CABP7: variants seen among roughly 807,000 people sequenced by gnomAD.
CABP7 encodes calcium-binding protein 7.
Under a neutral mutation model 23.1 loss-of-function variants are expected in CABP7, and 13 were observed. The observed-to-expected ratio is 0.56, with a 90% confidence interval of 0.37 to 0.90. CABP7 has a LOEUF of 0.90. CABP7 is among the 40% of genes least tolerant of loss of function. The pLI is 0.01. For missense variants in CABP7, 248 were observed against 295.6 expected (o/e 0.84, Z 1.18); for synonymous variants, 123 against 115.3 (o/e 1.07, Z -0.43).
rs2067753030 is a variant in CABP7 at position 29,720,556 on chromosome 22, GC to G, written c.109+27del. 1.4e-6 allele frequency: 2 copies of G among 1,466,806 alleles called. No homozygotes were observed. The highest frequency in any genetic ancestry group is 1.2e-5 in the South Asian group (1 of 81,700). The allele number at this position is 1,466,806 out of a possible 1,614,324, so 90.9% of individuals were successfully genotyped here. ...AGGGTGAGTGTCCGCCGGGATCCCC[GC>G]CCCGGCGGCCCTCCTACCTGTGCGC... On this transcript the variant is annotated intron_variant, in intron 1 of 4. Transcript: ENST00000216144. This position sits in a 1 kb window ranked among gnomAD's most constrained non-coding sequence, Gnocchi z 5.2.
At position 29,720,581 on chromosome 22, in the gene CABP7, GC is replaced by G. The variant is rs1222938691; in HGVS notation, c.109+51del. 2 of 1,323,812 alleles carry G rather than the reference GC, an allele frequency of 1.5e-6. No homozygotes were observed. The highest frequency in any genetic ancestry group is 1.5e-5 in the African/African-American group (1 of 65,634). The allele number at this position is 1,323,812 out of a possible 1,614,324, so 82.0% of individuals were successfully genotyped here. ...GCCCCGGCGGCCCTCCTACCTGTGCGCCCAGGTGAAGCGCGGGCCAGGGGCG... is the reference window on the plus strand; with the variant it reads ...GCCCCGGCGGCCCTCCTACCTGTGCGCCAGGTGAAGCGCGGGCCAGGGGCG... On this transcript the variant is annotated intron_variant, in intron 1 of 4. Coordinates refer to ENST00000216144, the MANE Select transcript of CABP7 (RefSeq NM_182527.3). This position sits in a 1 kb window ranked among gnomAD's most constrained non-coding sequence, Gnocchi z 5.2.
In CABP7 at chr22:29,729,586, C is replaced by T. The variant is rs751729168; in HGVS notation, c.*17C>T. On this transcript the variant is annotated 3_prime_UTR_variant, in exon 5 of 5. Coordinates refer to ENST00000216144, the MANE Select transcript of CABP7 (RefSeq NM_182527.3). ...ATGAAGTAGACGCCACCTGGATGCC[C>T]CATCCACCGCATGCGGTGCCCGTGG... 1 of 1,606,584 alleles carries T rather than the reference C, an allele frequency of 6.2e-7. No individual in the cohort carries two copies. Among genetic ancestry groups the T allele is most frequent in the African/African-American group, 1.3e-5 (1 of 74,948 alleles).
At chr22:29,723,688 C>T (rs2067777238) in intron 1 of CABP7, among the ~76,000 whole-genome samples, 1 of 152,190 alleles carries the variant, frequency 6.6e-6, no homozygotes, top group Admixed American at 6.5e-5. Context: ...TGGGGAGTCC[C>T]CTTTCCTACC....
Position 29,731,422 on chromosome 22 carries a change from C to T in CABP7, c.*1853C>T. 1.3e-6 allele frequency: 2 copies of T among 1,505,782 alleles called. No homozygotes were observed. Among genetic ancestry groups the T allele is most frequent in the Non-Finnish European group, 1.7e-6 (2 of 1,143,344 alleles). 93.3% of individuals were successfully genotyped at this position (1,505,782 alleles called of 1,614,324 possible). A position where few individuals can be genotyped will look rare whatever the true frequency, so the allele number is the denominator to read the frequency against. The stretch of plus-strand genomic sequence containing the variant: ...AGCCCAGGCTTATGCCACCCCCAGC[C>T]CACCTGCCTCACCACCCTGGCTGTG... On this transcript the variant is annotated 3_prime_UTR_variant, in exon 5 of 5. Transcript: ENST00000216144.
chr22:29,726,384 G>C (rs941483774), intron 1 of CABP7, among the ~76,000 whole-genome samples: 1 of 152,174 alleles, frequency 6.6e-6, no homozygotes, highest in African/African-American at 2.4e-5. Context: ...GCTGGGCTAG[G>C]CTCCCCTGTC....
intron 1 of CABP7, among the ~76,000 whole-genome samples, chr22:29,722,291 CG>C (rs1355043291): frequency 4.6e-5 from 7 of 152,228 alleles, no homozygotes; most frequent in Non-Finnish European, 8.8e-5. Flanking sequence ...GGCGAGGGGC[CG>C]CAGGGTGGGC....
rs765114031 is a variant in CABP7, at chr22:29,727,740, G to C, written c.188G>C (p.Arg63Pro). ...ISKQELGTAM[R>P]SLGYMPNEVE... ...AAGCAGGAGCTGGGCACAGCCATGC[G>C]CTCACTGGGTTACATGCCCAACGAG... Residue 63 changes from arginine to proline, a missense_variant, in exon 2 of 5, where the codon CGC becomes CCC. Physicochemically the swap from Arg to Pro is moderately radical, Grantham distance 103 (BLOSUM62 -2). Coordinates refer to ENST00000216144, the MANE Select transcript of CABP7 (RefSeq NM_182527.3). The surrounding 1 kb of genome is among the most constrained non-coding windows in gnomAD (Gnocchi z 4.2). 5.0e-6 allele frequency: 8 copies of C among 1,613,410 alleles called. No homozygotes were observed.
intron 1 of CABP7, among the ~76,000 whole-genome samples, chr22:29,724,969 G>C (rs1462231860): frequency 6.6e-6 from 1 of 152,330 alleles, no homozygotes; most frequent in Admixed American, 6.5e-5. Context: ...AGGGTAGGAG[G>C]GATGACCTGG....
At chr22:29,726,385 C>T (rs1036867549) in intron 1 of CABP7, among the ~76,000 whole-genome samples, 2 of 152,184 alleles carry the variant, frequency 1.3e-5, no homozygotes, top group Non-Finnish European at 1.5e-5. Context: ...CTGGGCTAGG[C>T]TCCCCTGTCC....
intron 1 of CABP7, among the ~76,000 whole-genome samples, chr22:29,723,180 T>C (rs927714966): frequency 6.6e-6 from 1 of 151,522 alleles, no homozygotes; most frequent in African/African-American, 2.4e-5. Context: ...CCCGTGAGGG[T>C]GTGCAGGAGG....
Position 29,731,017 on chromosome 22 carries a change from A to T in CABP7, c.*1448A>T, listed in dbSNP as rs564157656. The T allele has an allele frequency of 4.4e-6, 2 of 450,436 alleles. No homozygotes were observed. The highest frequency in any genetic ancestry group is 7.7e-6 in the Non-Finnish European group (2 of 259,588). 27.9% of individuals were successfully genotyped at this position (450,436 alleles called of 1,614,324 possible). On this transcript the variant is annotated 3_prime_UTR_variant, in exon 5 of 5. Coordinates refer to ENST00000216144, the MANE Select transcript of CABP7 (RefSeq NM_182527.3). The stretch of plus-strand genomic sequence containing the variant: ...TTTCTCCCCCATCTTCTTAAGAAGC[A>T]GGGGGGCAGGTGGAGGAGAGTGAGG...
At chr22:29,724,651 C>T (rs893862969) in intron 1 of CABP7, among the ~76,000 whole-genome samples, 1 of 152,108 alleles carries the variant, frequency 6.6e-6, no homozygotes, top group African/African-American at 2.4e-5. Flanking sequence ...GCAGGGCTCC[C>T]AGCACAGGCA....
At chr22:29,724,634 G>A (rs73159098) in intron 1 of CABP7, among the ~76,000 whole-genome samples, 4 of 152,106 alleles carry the variant, frequency 2.6e-5, no homozygotes, top group South Asian at 4.1e-4. Flanking sequence ...GGTGGGAGTC[G>A]GCTGGGGCAG....
chr22:29,729,478 G>A lies in CABP7; in HGVS notation c.557G>A (p.Arg186His), dbSNP rs760438926. The A allele has an allele frequency of 3.1e-6, 5 of 1,611,690 alleles. No individual in the cohort carries two copies. The highest frequency in any genetic ancestry group is 4.2e-6 in the Non-Finnish European group (5 of 1,179,994). ...CAGCAGATCCGCCAGACTTGCGTGC[G>A]CAAGAGTCTCATCTGCGCCTTCGCC... ...SNQQIRQTCV[R>H]KSLICAFAIA... Residue 186 changes from arginine to histidine, a missense_variant, in exon 5 of 5, where the codon CGC becomes CAC. Physicochemically the swap from Arg to His is conservative, Grantham distance 29. Transcript: ENST00000216144.
At chr22:29,723,967 G>A (rs898815126) in intron 1 of CABP7, among the ~76,000 whole-genome samples, 3 of 152,226 alleles carry the variant, frequency 2.0e-5, no homozygotes, top group Admixed American at 6.5e-5. Flanking sequence ...GCTGGAGGTG[G>A]CAGGTAGGGG....
rs560383681 is a variant in CABP7, at chr22:29,720,463, G to A, written c.39G>A (p.Arg13=). Residue 13 remains arginine, a synonymous_variant, in exon 1 of 5, where the codon CGG becomes CGA. Coordinates refer to ENST00000216144, the MANE Select transcript of CABP7 (RefSeq NM_182527.3). The surrounding 1 kb of genome is among the most constrained non-coding windows in gnomAD (Gnocchi z 5.2). ...FHPVTAALMY[R]GIYTVPNLLS... ...CGGTGACGGCGGCGTTGATGTACCG[G>A]GGCATCTACACCGTGCCCAACCTGC... 6.4e-7 allele frequency: 1 copy of A among 1,562,196 alleles called. No homozygotes were observed. The highest frequency in any genetic ancestry group is 8.6e-7 in the Non-Finnish European group (1 of 1,156,076).
Position 29,731,378 on chromosome 22 carries a change from G to T in CABP7, c.*1809G>T, listed in dbSNP as rs2232903. 118,673 of 1,539,526 alleles carry T rather than the reference G, an allele frequency of 0.077. 5,160 individuals carry two copies. Among genetic ancestry groups the T allele is most frequent in the South Asian group, 0.13 (10,046 of 78,334 alleles). ...CCCTAGAGAGAGAGAGAGAAGCGGG[G>T]AGAATAAGAGTGCACTACAGCCCAG... On this transcript the variant is annotated 3_prime_UTR_variant, in exon 5 of 5. Coordinates refer to ENST00000216144, the MANE Select transcript of CABP7 (RefSeq NM_182527.3).
In CABP7 at chr22:29,731,728, G is replaced by A. The variant is rs1045440199; in HGVS notation, c.*2159G>A. 4 of 188,630 alleles carry A rather than the reference G, an allele frequency of 2.1e-5. No individual in the cohort carries two copies. The highest frequency in any genetic ancestry group is 4.3e-5 in the Non-Finnish European group (4 of 93,336). 11.7% of individuals were successfully genotyped at this position (188,630 alleles called of 1,614,324 possible). A position where few individuals can be genotyped will look rare whatever the true frequency, so the allele number is the denominator to read the frequency against. On this transcript the variant is annotated 3_prime_UTR_variant, in exon 5 of 5. Coordinates refer to ENST00000216144, the MANE Select transcript of CABP7 (RefSeq NM_182527.3). ...GAGGAAAGACATACTGTGTGATAGG[G>A]AGAAAAAGCAGCTTATAAAATAATG...
Position 29,725,105 on chromosome 22 carries a change from G to A in CABP7, c.110-2557G>A, listed in dbSNP as rs191788150. ...CCCTGCAGAGGAGGAAAGGGAGGAG[G>A]AGGAGCGGTGCCTGACCCTGGTCCT... On this transcript the variant is annotated intron_variant, in intron 1 of 4. Transcript: ENST00000216144. Among the ~76,000 whole-genome samples the A allele has an allele frequency of 2.6e-5, 4 of 152,264 alleles. No homozygotes were observed. In the East Asian group the frequency reaches 7.8e-4, roughly 30 times the overall value.
Sources: allele counts gnomAD v4.1 joint callset (sites outside exome capture counted in the v4.1 genomes callset), GRCh38; gene constraint gnomAD v4.1.1; non-coding constraint Gnocchi (gnomAD v3.1); transcripts MANE v1.5; gene names NCBI Gene and HGNC (gene_info 2026-07-23, HGNC 2026-07-21).